Variants in ABI3BP observed in about 807,000 individuals in gnomAD.
ABI3BP encodes ABI family member 3 binding protein.
A neutral mutation model predicts 268.6 loss-of-function variants in ABI3BP; 216 were observed. That is an observed-to-expected ratio of 0.80 (90% CI 0.72 to 0.90). The LOEUF (loss-of-function observed/expected upper bound fraction) is 0.90, where lower values mean the gene tolerates loss of function less well. ABI3BP is among the 40% of genes least tolerant of loss of function. The pLI, the probability that ABI3BP is intolerant of heterozygous loss-of-function variation, is 0.00. For synonymous variants in ABI3BP, 730 were observed against 730.0 expected (o/e 1.00, Z 0.00); for missense variants, 2,090 against 2,182.4 (o/e 0.96, Z 0.84).
chr3:100,840,932 A>T (rs925570992), intron 21 of ABI3BP, 74 bp from the exon 22 acceptor site: 1 of 1,220,666 alleles, frequency 8.2e-7, no homozygotes. Flanking sequence ...AAAACATGGA[A>T]TATGCTTAAT....
At chr3:100,849,534 A>G (rs1266725992) in intron 17 of ABI3BP, among the ~76,000 whole-genome samples, 1 of 152,048 alleles carries the variant, frequency 6.6e-6, no homozygotes. Flanking sequence ...CAGAACTTTA[A>G]TTCTGTAGCT....
intron 2 of ABI3BP, chr3:100,912,127 A>G: frequency 1.9e-6 from 1 of 539,404 alleles, no homozygotes; most frequent in Admixed American, 2.9e-5. Flanking sequence ...GGGGTTGTGT[A>G]AGGCAAGCTG....
chr3:100,947,598 T>C (rs1584532468), intron 1 of ABI3BP, among the ~76,000 whole-genome samples: 1 of 152,132 alleles, frequency 6.6e-6, no homozygotes, highest in East Asian at 1.9e-4. Context: ...ATACTGCCTA[T>C]GGGGAATTGT....
rs540210187 is a variant in ABI3BP, at chr3:100,984,487, G to A, written c.79+8819C>T. On this transcript the variant is annotated intron_variant, in intron 1 of 67. Coordinates refer to ENST00000471714, the MANE Select transcript of ABI3BP (RefSeq NM_001375547.2). Reference sequence around the variant, plus strand: ...AAAGTATGATCCTTGACTGGAGAATGATGACAAATCTTCTATGAAAATGCC... The same window carrying A: ...AAAGTATGATCCTTGACTGGAGAATAATGACAAATCTTCTATGAAAATGCC... 2.6e-4 allele frequency among the ~76,000 whole-genome samples: 39 copies of A among 152,244 alleles called. No individual in the cohort carries two copies. In the East Asian group the frequency reaches 4.6e-3, roughly 18 times the overall value.
chr3:100,942,350 A>G (rs2069743872), intron 1 of ABI3BP, among the ~76,000 whole-genome samples: 1 of 152,146 alleles, frequency 6.6e-6, no homozygotes, highest in East Asian at 1.9e-4. Context: ...ATTAGTCACA[A>G]AAGTAGTTTT....
At chr3:100,787,836 CT>C in intron 56 of ABI3BP, 34 bp from the exon 57 acceptor site, 1 of 1,418,744 alleles carries the variant, frequency 7.0e-7, no homozygotes, top group Non-Finnish European at 9.3e-7. Flanking sequence ...AGTTCATTTT[CT>C]TATTGAAAGT....
Position 100,808,158 on chromosome 3 carries a change from T to C in ABI3BP, c.3682+3A>G. 6.2e-7 allele frequency: 1 copy of C among 1,610,232 alleles called. No individual in the cohort carries two copies. Among genetic ancestry groups the C allele is most frequent in the African/African-American group, 1.3e-5 (1 of 74,894 alleles). On this transcript the variant is annotated splice_donor_region_variant and intron_variant, in intron 50 of 67. Coordinates refer to ENST00000471714, the MANE Select transcript of ABI3BP (RefSeq NM_001375547.2). ...CAAGCTAAAATGTAAAATATATATT[T>C]ACCTGGTTGTGTTTGTGGGATTCTT...
chr3:100,894,965 A>AAAAAAAAAAAAGAAAAAAAAAAAAC (rs760156604), intron 4 of ABI3BP, among the ~76,000 whole-genome samples: 1 of 120,768 alleles, frequency 8.3e-6, no homozygotes, highest in Non-Finnish European at 1.9e-5. Flanking sequence ...AAAAAAAAAA[A>AAAAAAAAAAAAGAAAAAAAAAAAAC]AACAGAAAAA....
At chr3:100,759,821 A>G (rs1216621927) in intron 63 of ABI3BP, among the ~76,000 whole-genome samples, 1 of 152,194 alleles carries the variant, frequency 6.6e-6, no homozygotes, top group Non-Finnish European at 1.5e-5. Context: ...GCTGCTGCCC[A>G]CACCTACCAC....
In ABI3BP at chr3:100,933,632, A is replaced by AATATATAT. The variant is rs55749258; in HGVS notation, c.80-7159_80-7152dup. Among the ~76,000 whole-genome samples the AATATATAT allele has an allele frequency of 8.1e-3, 1,189 of 146,304 alleles. 7 individuals carry two copies. Among genetic ancestry groups the AATATATAT allele is most frequent in the African/African-American group, 0.012 (483 of 40,046 alleles). ...CTACCCATTGGGAGACAATATTTGC[A>AATATATAT]ATATATATATATATCTATTGAAGGA... is the stretch of plus-strand genomic sequence containing the variant. On this transcript the variant is annotated intron_variant, in intron 1 of 67. Coordinates refer to ENST00000471714, the MANE Select transcript of ABI3BP (RefSeq NM_001375547.2).
chr3:100,991,775 GT>G (rs199800408), intron 1 of ABI3BP, among the ~76,000 whole-genome samples: 1 of 150,876 alleles, frequency 6.6e-6, no homozygotes, highest in Admixed American at 6.6e-5. Context: ...CGACAACTAT[GT>G]TTTTTTTTCT....
chr3:100,814,076 G>C (rs917897932), intron 44 of ABI3BP, among the ~76,000 whole-genome samples: 1 of 152,086 alleles, frequency 6.6e-6, no homozygotes, highest in African/African-American at 2.4e-5. Context: ...TCATGAATCA[G>C]CTTTGGTTGC....
At chr3:100,896,322 T>C (rs959202790) in intron 4 of ABI3BP, among the ~76,000 whole-genome samples, 13 of 152,128 alleles carry the variant, frequency 8.5e-5, no homozygotes, top group African/African-American at 3.1e-4. Flanking sequence ...AGGTCATCTG[T>C]CCTAACTTTC....
At chr3:100,867,374 G>A (rs2099062383) in intron 9 of ABI3BP, among the ~76,000 whole-genome samples, 1 of 152,020 alleles carries the variant, frequency 6.6e-6, no homozygotes, top group Non-Finnish European at 1.5e-5. Context: ...GGGCGTGGTG[G>A]CTCATGCTTG....
chr3:100,881,669 C>G (rs114008329), intron 6 of ABI3BP, among the ~76,000 whole-genome samples: 1 of 74,810 alleles, frequency 1.3e-5, no homozygotes, highest in East Asian at 4.5e-4. Flanking sequence ...CCTAGATTCT[C>G]TAAATGGAAA....
At chr3:100,776,087 T>G (rs75234597) in intron 59 of ABI3BP, among the ~76,000 whole-genome samples, 1 of 152,196 alleles carries the variant, frequency 6.6e-6, no homozygotes, top group African/African-American at 2.4e-5. Flanking sequence ...TCCTCCACTC[T>G]TAAAACACTT....
At position 100,945,254 on chromosome 3, in the gene ABI3BP, G is replaced by T. The variant is rs189610797; in HGVS notation, c.80-18773C>A. ...TTGTACTTCAAATATATAAAAAAAG[G>T]AACAAATATTTTCACGAGCATATGG... On this transcript the variant is annotated intron_variant, in intron 1 of 67. Transcript: ENST00000471714. 6.3e-3 allele frequency among the ~76,000 whole-genome samples: 959 copies of T among 151,950 alleles called. 2 individuals carry two copies. Among genetic ancestry groups the T allele is most frequent in the Non-Finnish European group, 0.01 (706 of 67,926 alleles).
At chr3:100,934,672 A>G (rs1323807916) in intron 1 of ABI3BP, among the ~76,000 whole-genome samples, 1 of 152,234 alleles carries the variant, frequency 6.6e-6, no homozygotes, top group Non-Finnish European at 1.5e-5. Context: ...AATGATCACC[A>G]TTCTAACTGG....
chr3:100,783,356 G>T (rs2096925669), intron 57 of ABI3BP, among the ~76,000 whole-genome samples: 1 of 152,142 alleles, frequency 6.6e-6, no homozygotes, highest in Non-Finnish European at 1.5e-5. Context: ...AGGGTGTAGA[G>T]AAAGGAGTCT....
Sources: allele counts gnomAD v4.1 joint callset (sites outside exome capture counted in the v4.1 genomes callset), GRCh38; gene constraint gnomAD v4.1.1; transcripts MANE v1.5; gene names NCBI Gene and HGNC (gene_info 2026-07-23, HGNC 2026-07-21).